Variants in GPRIN1 observed in about 807,000 individuals in gnomAD.
The protein encoded by GPRIN1 is G protein regulated inducer of neurite outgrowth 1.
A neutral mutation model predicts 2.8 loss-of-function variants in GPRIN1; 4 were observed. That is an observed-to-expected ratio of 1.45 (90% CI 0.71 to 3.32). The LOEUF (loss-of-function observed/expected upper bound fraction) is 3.32. Ranked by LOEUF, GPRIN1 falls within the 30% of genes most tolerant of loss-of-function variation. The probability of loss-of-function intolerance (pLI) is 0.01; values close to 1 mark genes in which losing one functional copy is unlikely to be tolerated. For missense variants in GPRIN1, 1,322 were observed against 1,343.4 expected (o/e 0.98, Z 0.25); for synonymous variants, 589 against 589.9 (o/e 1.00, Z 0.02).
intron 1 of GPRIN1, among the ~76,000 whole-genome samples, chr5:176,605,554 G>A (rs563428192): frequency 5.3e-5 from 8 of 152,256 alleles, no homozygotes; most frequent in African/African-American, 1.9e-4. Context: ...TGTAATCCCA[G>A]TGCTTTGGGA....
intron 1 of GPRIN1, among the ~76,000 whole-genome samples, chr5:176,605,369 C>T (rs947435211): frequency 2.9e-4 from 44 of 152,322 alleles, no homozygotes; most frequent in African/African-American, 1.1e-3. Flanking sequence ...GCTGCGATTA[C>T]AGGCATGGTC....
chr5:176,604,862 T>G (rs948018094), intron 1 of GPRIN1, among the ~76,000 whole-genome samples: 5 of 152,054 alleles, frequency 3.3e-5, no homozygotes, highest in Non-Finnish European at 7.4e-5. Flanking sequence ...GCCTCCCAAG[T>G]AGCTGGGATT....
chr5:176,605,645 C>T (rs978840246), intron 1 of GPRIN1, among the ~76,000 whole-genome samples: 47 of 151,634 alleles, frequency 3.1e-4, no homozygotes, highest in Admixed American at 1.2e-3. Flanking sequence ...TCTACAAAAA[C>T]TTTAAATTAA....
At chr5:176,606,278 G>C (rs896970880) in intron 1 of GPRIN1, among the ~76,000 whole-genome samples, 1 of 152,158 alleles carries the variant, frequency 6.6e-6, no homozygotes, top group Admixed American at 6.5e-5. Flanking sequence ...GTTTTTATCT[G>C]CTCAGCCTGT....
chr5:176,599,347 G>T lies in GPRIN1; in HGVS notation c.488C>A (p.Ser163Tyr). Residue 163 changes from serine to tyrosine, a missense_variant, in exon 2 of 2, where the codon TCC (serine) becomes TAC (tyrosine). Physicochemically the swap from Ser to Tyr is moderately radical, Grantham distance 144. Transcript: ENST00000303991. ...MDFKSSKQAD[S>Y]TSIGKEDPGS... The stretch of plus-strand genomic sequence containing the variant: ...AGGATCCTCCTTTCCTATGGAAGTG[G>T]AATCGGCCTGCTTTGAGGACTTGAA... 6.2e-7 allele frequency: 1 copy of T among 1,614,202 alleles called. No homozygotes were observed. The highest frequency in any genetic ancestry group is 1.1e-5 in the South Asian group (1 of 91,084).
chr5:176,609,329 TGCGTA>T (rs1759273779), intron 1 of GPRIN1, among the ~76,000 whole-genome samples: 1 of 152,036 alleles, frequency 6.6e-6, no homozygotes, highest in African/African-American at 2.4e-5. Context: ...CTGGTTTGAG[TGCGTA>T]GCTGTGCCTG....
chr5:176,597,714 C>T lies in GPRIN1; in HGVS notation c.2121G>A (p.Leu707=). The change falls in exon 2 of 2, where the codon TTG becomes TTA. Residue 707 remains leucine (L), a synonymous_variant. Coordinates refer to ENST00000303991, the MANE Select transcript of GPRIN1 (RefSeq NM_052899.3). The surrounding 1 kb of genome is among the most constrained non-coding windows in gnomAD (Gnocchi z 6.1). ...CCAGACTCAGGGGGACCACCTTCCC[C>T]AAGGATGGGGACTCCGTTTTTCTGG... ...APSRKTESPS[L]GKVVPLSLEK... The T allele has an allele frequency of 6.3e-7, 1 of 1,595,774 alleles. No individual in the cohort carries two copies. The highest frequency in any genetic ancestry group is 8.5e-7 in the Non-Finnish European group (1 of 1,170,846).
At position 176,597,807 on chromosome 5, in the gene GPRIN1, T is replaced by A. The variant is rs766405450; in HGVS notation, c.2028A>T (p.Arg676Ser). 1.2e-6 allele frequency: 2 copies of A among 1,607,108 alleles called. No individual in the cohort carries two copies. The highest frequency in any genetic ancestry group is 2.2e-5 in the South Asian group (2 of 90,512). ...ASEKVDPGSCRKAEPLASGKG... is the reference protein window; with the variant it reads ...ASEKVDPGSCSKAEPLASGKG... ...TCCCTGAGGCAAGGGGCTCTGCTTT[T>A]CTGCAGGATCCAGGATCCACCTTCT... The change falls in exon 2 of 2, where the codon AGA becomes AGT. Residue 676 changes from arginine to serine, a missense_variant. Transcript: ENST00000303991. This position sits in a 1 kb window ranked among gnomAD's most constrained non-coding sequence, Gnocchi z 6.1.
In GPRIN1 at chr5:176,597,407, C is replaced by A; in HGVS notation, c.2428G>T (p.Glu810Ter). Reference protein sequence around the residue: ...WEASAPPPPREDAGTQAGAQA... With the variant: ...WEASAPPPPR ...GCGCCCGCCTGAGTGCCCGCGTCCT[C>A]GCGCGGCGGCGGCGGGGCGCTCGCC... Residue 810 changes from glutamate to a stop codon, truncating the protein, a stop_gained, in exon 2 of 2, where the codon GAG (glutamate) becomes TAG (stop). Transcript: ENST00000303991. LOFTEE classifies it low-confidence loss of function (END_TRUNC). This position sits in a 1 kb window ranked among gnomAD's most constrained non-coding sequence, Gnocchi z 6.1. 2.3e-6 allele frequency: 3 copies of A among 1,293,204 alleles called. No homozygotes were observed. Among genetic ancestry groups the A allele is most frequent in the South Asian group, 5.1e-5 (2 of 39,498 alleles). 80.1% of individuals were successfully genotyped at this position (1,293,204 alleles called of 1,614,324 possible).
chr5:176,604,457 C>T (rs915240747), intron 1 of GPRIN1, among the ~76,000 whole-genome samples: 1 of 152,150 alleles, frequency 6.6e-6, no homozygotes, highest in African/African-American at 2.4e-5. Flanking sequence ...GCGATCTCGG[C>T]TCACTGCAGC....
chr5:176,601,758 C>A (rs527293108), intron 1 of GPRIN1, among the ~76,000 whole-genome samples: 8 of 152,258 alleles, frequency 5.3e-5, no homozygotes, highest in African/African-American at 1.9e-4. Flanking sequence ...TCCCTAATCA[C>A]CCTTGACTTT....
At chr5:176,607,803 C>G (rs112729646) in intron 1 of GPRIN1, among the ~76,000 whole-genome samples, 241 of 150,812 alleles carry the variant, frequency 1.6e-3, no homozygotes, top group Non-Finnish European at 2.5e-3. Flanking sequence ...CAAGACTTGA[C>G]CAAGGGCACA....
chr5:176,597,654 T>C lies in GPRIN1; in HGVS notation c.2181A>G (p.Leu727=). The C allele has an allele frequency of 6.3e-7, 1 of 1,599,058 alleles. No homozygotes were observed. Among genetic ancestry groups the C allele is most frequent in the Non-Finnish European group, 8.5e-7 (1 of 1,175,382 alleles). ...KTKPSSSSRQ[L]DRKALGSARS... ...GGGCTGAGCCGAGGGCTTTGCGGTC[T>C]AACTGCCTGGAGGAGGAGGACGGCT... is the stretch of plus-strand genomic sequence containing the variant. The change falls in exon 2 of 2, where the codon TTA becomes TTG. Residue 727 remains leucine (L), a synonymous_variant. Transcript: ENST00000303991. The surrounding 1 kb of genome is among the most constrained non-coding windows in gnomAD (Gnocchi z 6.1).
rs757767049 is a variant in GPRIN1, at chr5:176,599,044, T to C, written c.791A>G (p.Lys264Arg). 3 of 1,614,232 alleles carry C rather than the reference T, an allele frequency of 1.9e-6. No individual in the cohort carries two copies. The highest frequency in any genetic ancestry group is 2.5e-6 in the Non-Finnish European group (3 of 1,180,038). The change falls in exon 2 of 2, where the codon AAA (lysine) becomes AGA (arginine). Residue 264 changes from lysine (K) to arginine (R), a missense_variant. Around this residue, in one of 3 missense-constraint regions of GPRIN1, gnomAD observed 1,117 missense variants for 1,128.6 expected, o/e 0.99. Transcript: ENST00000303991. ...CTTTTCTGAGGACACAGGATGCTCT[T>C]TTCCTGAATACCTGGGCTCCTCCTT... ...PRKEEPRYSGKEHPVSSEKVA... is the reference protein window; with the variant it reads ...PRKEEPRYSGREHPVSSEKVA...
rs985112080 is a variant in GPRIN1, at chr5:176,595,967, T to C, written c.*841A>G. ...GGCCTTTAAAAGACAACTGTGGTTATAGAATGAGCTCTCTGTCCTGTCCCC... is the reference window on the plus strand; with the variant it reads ...GGCCTTTAAAAGACAACTGTGGTTACAGAATGAGCTCTCTGTCCTGTCCCC... On this transcript the variant is annotated 3_prime_UTR_variant, in exon 2 of 2. Coordinates refer to ENST00000303991, the MANE Select transcript of GPRIN1 (RefSeq NM_052899.3). 3.3e-5 allele frequency: 9 copies of C among 276,032 alleles called. No individual in the cohort carries two copies. The highest frequency in any genetic ancestry group is 1.3e-4 in the African/African-American group (6 of 45,682). 17.1% of individuals were successfully genotyped at this position (276,032 alleles called of 1,614,324 possible).
At chr5:176,609,032 C>CA (rs1237901252) in intron 1 of GPRIN1, among the ~76,000 whole-genome samples, 1 of 152,224 alleles carries the variant, frequency 6.6e-6, no homozygotes, top group Non-Finnish European at 1.5e-5. Flanking sequence ...GACCTGCTTC[C>CA]AGAAACGGCC....
chr5:176,609,653 G>A (rs1183404922), intron 1 of GPRIN1, among the ~76,000 whole-genome samples: 4 of 152,144 alleles, frequency 2.6e-5, no homozygotes, highest in Admixed American at 2.0e-4. Context: ...CCCCTCCCGC[G>A]CGGCCATGCC....
rs1381194220 is a variant in GPRIN1 at position 176,598,170 on chromosome 5, G to C, written c.1665C>G (p.Ser555Arg). 6.2e-7 allele frequency: 1 copy of C among 1,612,472 alleles called. No homozygotes were observed. The highest frequency in any genetic ancestry group is 1.3e-5 in the African/African-American group (1 of 74,858). Residue 555 changes from serine (S) to arginine (R), a missense_variant, in exon 2 of 2, where the codon AGC becomes AGG. Ser to Arg is a moderately radical substitution (Grantham distance 110). Transcript: ENST00000303991. ...AGGGGCCAGCGTCTGCCTTTCCCTT[G>C]CTCACAGGGTCCTCCTTGCCCACCG... The part of the protein sequence containing the change: ...PLAVGKEDPV[S>R]KGKADAGPSG...
In GPRIN1 at chr5:176,598,633, T is replaced by A. The variant is rs1759092820; in HGVS notation, c.1202A>T (p.Asp401Val). 6.2e-7 allele frequency: 1 copy of A among 1,614,052 alleles called. No homozygotes were observed. Among genetic ancestry groups the A allele is most frequent in the Admixed American group, 1.7e-5 (1 of 60,002 alleles). Residue 401 changes from aspartate (D) to valine (V), a missense_variant, in exon 2 of 2, where the codon GAT becomes GTT. Coordinates refer to ENST00000303991, the MANE Select transcript of GPRIN1 (RefSeq NM_052899.3). The part of the protein sequence containing the change: ...HTDTTASAKT[D>V]LTSLKNVDPM... ...ATCCACATTTTTCAAAGATGTGAGATCTGTCTTTGCTGAAGCCGTAGTATC... is the reference window on the plus strand; with the variant it reads ...ATCCACATTTTTCAAAGATGTGAGAACTGTCTTTGCTGAAGCCGTAGTATC...
Sources: allele counts gnomAD v4.1 joint callset (sites outside exome capture counted in the v4.1 genomes callset), GRCh38; gene constraint gnomAD v4.1.1; regional missense constraint gnomAD v4.1.1; non-coding constraint Gnocchi (gnomAD v3.1); transcripts MANE v1.5; gene names NCBI Gene and HGNC (gene_info 2026-07-23, HGNC 2026-07-21).